The following ZBTB20 variants were observed in gnomAD, a reference collection of about 807,000 sequenced individuals.
ZBTB20 encodes zinc finger and BTB domain containing 20, also known as zinc finger and BTB domain-containing protein 20.
In ZBTB20, 9 loss-of-function variants were observed where a neutral mutation model predicts 56.9. The ratio of observed to expected loss-of-function variants is 0.16; its 90% CI spans 0.10 to 0.28. The LOEUF is 0.28. ZBTB20 is among the 10% of genes least tolerant of loss of function. The pLI, the probability that ZBTB20 is intolerant of heterozygous loss-of-function variation, is 1.00. For synonymous variants in ZBTB20, 417 were observed against 420.7 expected, an observed-to-expected ratio of 0.99 and a Z score of 0.11; for missense variants, 655 against 1,003.0, an observed-to-expected ratio of 0.65 and a Z score of 4.69.
intron 7 of ZBTB20, among the ~76,000 whole-genome samples, chr3:114,414,992 C>A (rs1377771720): frequency 6.7e-6 from 1 of 148,270 alleles, no homozygotes; most frequent in Non-Finnish European, 1.5e-5. Flanking sequence ...TAATGGGTTT[C>A]TGTAACACTG....
chr3:114,639,780 T>G (rs2059458735), intron 6 of ZBTB20, among the ~76,000 whole-genome samples: 1 of 152,166 alleles, frequency 6.6e-6, no homozygotes, highest in South Asian at 2.1e-4. Context: ...TCTGATAGTC[T>G]GTTTACACAT....
Position 114,324,233 on chromosome 3 carries a change from G to A in ZBTB20, c.*14772C>T, listed in dbSNP as rs569664728. On this transcript the variant is annotated 3_prime_UTR_variant, in exon 12 of 12. Coordinates refer to ENST00000675478, the MANE Select transcript of ZBTB20 (RefSeq NM_001348800.3). ...AAACAGCTATTTAATGTAAAGGTCA[G>A]TAGTGGTTTTTACTTAATAGTTTTC... 5 of 152,344 alleles carry A rather than the reference G, an allele frequency of 3.3e-5. No homozygotes were observed. Among genetic ancestry groups the A allele is most frequent in the Admixed American group, 3.3e-4 (5 of 15,290 alleles). The allele number at this position is 152,344 out of a possible 1,614,324, so 9.4% of individuals were successfully genotyped here.
intron 6 of ZBTB20, among the ~76,000 whole-genome samples, chr3:114,679,277 G>C (rs908725576): frequency 6.6e-6 from 1 of 152,106 alleles, no homozygotes. Flanking sequence ...ACCCAAAATT[G>C]ACAAATGGGA....
intron 11 of ZBTB20, 142 bp downstream of exon 11, chr3:114,350,132 G>A (rs976854193): frequency 1.6e-6 from 2 of 1,235,910 alleles, no homozygotes; most frequent in Admixed American, 2.6e-5. Flanking sequence ...CACAGTTGGG[G>A]TTTCTAGAAG....
chr3:114,600,007 T>C (rs1402558), intron 6 of ZBTB20, among the ~76,000 whole-genome samples: 14,279 of 151,922 alleles, frequency 0.094, 778 homozygotes, highest in African/African-American at 0.14. Context: ...TAAGACTTCA[T>C]TTTCCTCACC....
chr3:114,381,137 A>G (rs1309810788), intron 8 of ZBTB20, among the ~76,000 whole-genome samples, 197 bp from the exon 9 acceptor site: 2 of 152,224 alleles, frequency 1.3e-5, no homozygotes, highest in African/African-American at 4.8e-5. Flanking sequence ...CTGTTAGAGT[A>G]GCAAGTGAAA....
rs544943954 is a variant in ZBTB20 at position 114,961,001 on chromosome 3, G to A, written c.-456+13365C>T. Among the ~76,000 whole-genome samples, 5 of 152,164 alleles carry A rather than the reference G, an allele frequency of 3.3e-5. No homozygotes were observed. The South Asian group carries it at 1.0e-3, about 32-fold the overall frequency. ...TCCCAGTGAGAGTTAATTTGGAGAA[G>A]TGATGGAGGTCCCTGCAGCAGACAA... is the stretch of plus-strand genomic sequence containing the variant. On this transcript the variant is annotated intron_variant, in intron 3 of 11. Transcript: ENST00000675478.
intron 5 of ZBTB20, among the ~76,000 whole-genome samples, chr3:114,730,820 C>T (rs1392626002): frequency 6.6e-6 from 1 of 152,122 alleles, no homozygotes; most frequent in East Asian, 1.9e-4. Flanking sequence ...GTATCAGTGC[C>T]TATATGGTGC....
intron 6 of ZBTB20, among the ~76,000 whole-genome samples, chr3:114,691,832 A>G (rs1250986824): frequency 3.3e-5 from 5 of 152,092 alleles, no homozygotes; most frequent in South Asian, 4.1e-4. Context: ...TTTTACTCCT[A>G]TGTGTTTTTC....
intron 7 of ZBTB20, among the ~76,000 whole-genome samples, chr3:114,413,465 T>A (rs1449670220): frequency 6.6e-6 from 1 of 152,182 alleles, no homozygotes; most frequent in Non-Finnish European, 1.5e-5. Flanking sequence ...GAAACTAGGC[T>A]ATCTGGAGGA....
chr3:114,984,189 C>A (rs2078441621), intron 2 of ZBTB20, among the ~76,000 whole-genome samples: 1 of 151,920 alleles, frequency 6.6e-6, no homozygotes, highest in Non-Finnish European at 1.5e-5. Context: ...TAGGATGTCT[C>A]TTTTCAGTTA....
rs2079295443 is a variant in ZBTB20, at chr3:114,332,428, GTGAT to G, written c.*6573_*6576del. 1.3e-5 allele frequency: 2 copies of G among 152,196 alleles called. No individual in the cohort carries two copies. Among genetic ancestry groups the G allele is most frequent in the Non-Finnish European group, 2.9e-5 (2 of 68,046 alleles). The allele number at this position is 152,196 out of a possible 1,614,324, so 9.4% of individuals were successfully genotyped here. On this transcript the variant is annotated 3_prime_UTR_variant, in exon 12 of 12. Transcript: ENST00000675478. ...TTAAAACTAGTACTCCCGGGCACCT[GTGAT>G]TGCATTTTATAGGATTCTATTTAGT...
At chr3:114,779,902 A>T (rs1199738474) in intron 5 of ZBTB20, among the ~76,000 whole-genome samples, 3 of 152,204 alleles carry the variant, frequency 2.0e-5, no homozygotes, top group Non-Finnish European at 2.9e-5. Flanking sequence ...ACACCCCTTG[A>T]TTACACACTT....
At chr3:114,614,488 G>A (rs1319107534) in intron 6 of ZBTB20, among the ~76,000 whole-genome samples, 2 of 151,780 alleles carry the variant, frequency 1.3e-5, no homozygotes, top group Non-Finnish European at 2.9e-5. Context: ...TGACATAAGG[G>A]TTAATAGGAT....
rs150587420 is a variant in ZBTB20, at chr3:114,400,386, T to A, written c.-254-11281A>T. On this transcript the variant is annotated intron_variant, in intron 7 of 11. Coordinates refer to ENST00000675478, the MANE Select transcript of ZBTB20 (RefSeq NM_001348800.3). ...AGCTGATCCATGTGGAAGTGCTTTGTATAGTGTGGAGTACTGAATCAATGT... is the reference window on the plus strand; with the variant it reads ...AGCTGATCCATGTGGAAGTGCTTTGAATAGTGTGGAGTACTGAATCAATGT... Among the ~76,000 whole-genome samples, 466 of 152,284 alleles carry A rather than the reference T, an allele frequency of 3.1e-3. 5 individuals are homozygous for A. The highest frequency in any genetic ancestry group is 0.01 in the African/African-American group (435 of 41,554).
chr3:114,491,899 A>T (rs1439000637), intron 7 of ZBTB20, among the ~76,000 whole-genome samples: 3 of 152,188 alleles, frequency 2.0e-5, no homozygotes, highest in Non-Finnish European at 4.4e-5. Flanking sequence ...GACCACTTCA[A>T]CAAAACAGCT....
chr3:114,614,737 T>C (rs558341379), intron 6 of ZBTB20, among the ~76,000 whole-genome samples: 1 of 150,650 alleles, frequency 6.6e-6, no homozygotes, highest in African/African-American at 2.4e-5. Flanking sequence ...TGGCCACTTT[T>C]TTTGTTTGTT....
chr3:114,639,057 C>T (rs1342551481), intron 6 of ZBTB20, among the ~76,000 whole-genome samples: 1 of 152,024 alleles, frequency 6.6e-6, no homozygotes, highest in Non-Finnish European at 1.5e-5. Context: ...CCTTAGCATG[C>T]TCATTATTTC....
At chr3:115,062,233 G>A (rs1487328073) in intron 2 of ZBTB20, among the ~76,000 whole-genome samples, 1 of 152,194 alleles carries the variant, frequency 6.6e-6, no homozygotes, top group Non-Finnish European at 1.5e-5. Context: ...GAGCAAGGCT[G>A]CCTAAGCAGC....
Sources: allele counts gnomAD v4.1 joint callset (sites outside exome capture counted in the v4.1 genomes callset), GRCh38; gene constraint gnomAD v4.1.1; transcripts MANE v1.5; gene names NCBI Gene and HGNC (gene_info 2026-07-23, HGNC 2026-07-21).